ZNF749: variants seen among roughly 807,000 people sequenced by gnomAD.
The protein encoded by ZNF749 is zinc finger protein 749.
A neutral mutation model predicts 7.3 loss-of-function variants in ZNF749; 8 were observed. The observed-to-expected ratio is 1.10, with a 90% CI of 0.64 to 1.98. The LOEUF (loss-of-function observed/expected upper bound fraction) is 1.98. Among genes scored for constraint, ZNF749 ranks in the 30% most tolerant of loss-of-function variants. The pLI is 0.00. For synonymous variants in ZNF749, 310 were observed against 322.4 expected (o/e 0.96, Z 0.41); for missense variants, 898 against 932.4 (o/e 0.96, Z 0.48).
chr19:57,436,185 G>C lies in ZNF749; in HGVS notation c.15+592G>C, dbSNP rs1398838046. ...TTGTTTTGGCCTGAAAAATCTGAAA[G>C]AATGGAATTAGAGATATCAGCTTAA... On this transcript the variant is annotated intron_variant, in intron 1 of 2. Transcript: ENST00000334181. The surrounding 1 kb of genome is among the most constrained non-coding windows in gnomAD (Gnocchi z 4.0). 6.6e-6 allele frequency among the ~76,000 whole-genome samples: 1 copy of C among 152,162 alleles called. No individual in the cohort carries two copies. Among genetic ancestry groups the C allele is most frequent in the Non-Finnish European group, 1.5e-5 (1 of 68,032 alleles).
Position 57,444,636 on chromosome 19 carries a change from T to A in ZNF749, c.1488T>A (p.Ala496=). 1 of 1,613,584 alleles carries A rather than the reference T, an allele frequency of 6.2e-7. No homozygotes were observed. Among genetic ancestry groups the A allele is most frequent in the South Asian group, 1.1e-5 (1 of 91,010 alleles). Residue 496 remains alanine, a synonymous_variant, in exon 3 of 3, where the codon GCT becomes GCA. Coordinates refer to ENST00000334181, the MANE Select transcript of ZNF749 (RefSeq NM_001023561.4). ...GTGGGAAGGCCTTCCTTACACAGGC[T>A]CATCTGGTTGGTCACCAGAAAATCC... is the stretch of plus-strand genomic sequence containing the variant. ...SECGKAFLTQ[A]HLVGHQKIHT... is the part of the protein sequence containing the mutation.
In ZNF749 at chr19:57,445,621, CT is replaced by C; in HGVS notation, c.*137del. On this transcript the variant is annotated 3_prime_UTR_variant, in exon 3 of 3. Coordinates refer to ENST00000334181, the MANE Select transcript of ZNF749 (RefSeq NM_001023561.4). ...GATGGAAATCTGCGAGGATTTCCTGCTGGGAACTACATTAAAAACATTTATG... is the reference window on the plus strand; with the variant it reads ...GATGGAAATCTGCGAGGATTTCCTGCGGGAACTACATTAAAAACATTTATG... The C allele has an allele frequency of 7.1e-7, 1 of 1,404,234 alleles. No homozygotes were observed. Among genetic ancestry groups the C allele is most frequent in the Non-Finnish European group, 9.5e-7 (1 of 1,057,046 alleles). The allele number at this position is 1,404,234 out of a possible 1,614,324, so 87.0% of individuals were successfully genotyped here. A position where few individuals can be genotyped will look rare whatever the true frequency, so the allele number is the denominator to read the frequency against.
At chr19:57,430,503 T>C (rs1227128906), upstream of ZNF749, among the ~76,000 whole-genome samples, 4 of 152,312 alleles carry the variant, frequency 2.6e-5, no homozygotes, top group East Asian at 5.8e-4. Context: ...CTCTGGGTCA[T>C]ATGCATATGA....
the ZNF749 span, among the ~76,000 whole-genome samples, chr19:57,430,029 G>A: frequency 6.6e-6 from 1 of 152,098 alleles, no homozygotes; most frequent in Admixed American, 6.6e-5. Flanking sequence ...GGAAAAAGGT[G>A]CCCTGTAGCT....
intron 1 of ZNF749, among the ~76,000 whole-genome samples, chr19:57,441,152 C>T (rs1213400895): frequency 6.6e-6 from 1 of 150,774 alleles, no homozygotes; most frequent in Non-Finnish European, 1.5e-5. Flanking sequence ...GGTAGGGCGC[C>T]CTGGGCTAGG....
chr19:57,441,615 A>T (rs1403216727), intron 1 of ZNF749, among the ~76,000 whole-genome samples: 1 of 152,082 alleles, frequency 6.6e-6, no homozygotes, highest in African/African-American at 2.4e-5. Flanking sequence ...CTTAAAACTC[A>T]GTGGTTTGCA....
At chr19:57,429,271 C>T in the ZNF749 span, among the ~76,000 whole-genome samples, 3 of 152,164 alleles carry the variant, frequency 2.0e-5, no homozygotes, top group Admixed American at 6.5e-5. This position sits in a 1 kb window ranked among gnomAD's most constrained non-coding sequence, Gnocchi z 4.2. Context: ...GGTGATCTGC[C>T]TGCCTCGGCC....
rs1269479416 is a variant in ZNF749 at position 57,444,107 on chromosome 19, A to G, written c.959A>G (p.His320Arg). The change falls in exon 3 of 3, where the codon CAT becomes CGT. Residue 320 changes from histidine (H) to arginine (R), a missense_variant. Physicochemically the swap from His to Arg is conservative, Grantham distance 29. Coordinates refer to ENST00000334181, the MANE Select transcript of ZNF749 (RefSeq NM_001023561.4). Reference sequence around the variant, plus strand: ...CATCTGGTTGGTCACCAGAAAACCCATACTGGAGAACAGCCCTATGAATGC... The same window carrying G: ...CATCTGGTTGGTCACCAGAAAACCCGTACTGGAGAACAGCCCTATGAATGC... ...QAHLVGHQKT[H>R]TGEQPYECNK... The G allele has an allele frequency of 6.2e-7, 1 of 1,614,086 alleles. No homozygotes were observed. Among genetic ancestry groups the G allele is most frequent in the South Asian group, 1.1e-5 (1 of 91,080 alleles).
intron 1 of ZNF749, 144 bp downstream of exon 1, chr19:57,435,737 A>T (rs2088929072): frequency 7.0e-7 from 1 of 1,435,506 alleles, no homozygotes; most frequent in African/African-American, 1.4e-5. Flanking sequence ...CTGCGGTGCG[A>T]TGAGGCGGGG....
rs1013278678 is a variant in ZNF749, at chr19:57,443,345, T to G, written c.197T>G (p.Val66Gly). The G allele has an allele frequency of 3.1e-6, 5 of 1,614,040 alleles. No individual in the cohort carries two copies. In the East Asian group the frequency reaches 1.1e-4, roughly 36 times the overall value. The change falls in exon 3 of 3, where the codon GTA becomes GGA. Residue 66 changes from valine to glycine, a missense_variant. Coordinates refer to ENST00000334181, the MANE Select transcript of ZNF749 (RefSeq NM_001023561.4). ...GTACCTTCCAAGCAGTGTGTTTCTG[T>G]AAGAGTGTTACAGGTCACAATTCCA... Reference protein sequence around the residue: ...EEVPSKQCVSVRVLQVTIPKP... With the variant: ...EEVPSKQCVSGRVLQVTIPKP...
Position 57,445,416 on chromosome 19 carries a change from C to T in ZNF749, c.2268C>T (p.Ser756=). The part of the protein sequence containing the change: ...TGERSYECGE[S]SKVFKYNSSL... ...AAAGGTCTTATGAGTGTGGTGAATC[C>T]AGCAAAGTGTTTAAATACAACTCCA... is the stretch of plus-strand genomic sequence containing the variant. Residue 756 remains serine, a synonymous_variant, in exon 3 of 3, where the codon TCC becomes TCT. Transcript: ENST00000334181. The T allele has an allele frequency of 6.2e-7, 1 of 1,613,934 alleles. No homozygotes were observed. The highest frequency in any genetic ancestry group is 8.5e-7 in the Non-Finnish European group (1 of 1,179,886).
chr19:57,446,035 T>C lies in ZNF749; in HGVS notation c.*550T>C, dbSNP rs967080257. ...CAGTAGTGTTAAGTCATTCGCATTG[T>C]TGTCAATTAATATCCAGAAGTTTTT... On this transcript the variant is annotated 3_prime_UTR_variant, in exon 3 of 3. Coordinates refer to ENST00000334181, the MANE Select transcript of ZNF749 (RefSeq NM_001023561.4). Among the ~76,000 whole-genome samples the C allele has an allele frequency of 6.6e-6, 1 of 152,210 alleles. No individual in the cohort carries two copies. Among genetic ancestry groups the C allele is most frequent in the Admixed American group, 6.5e-5 (1 of 15,278 alleles).
chr19:57,432,044 G>T (rs975439286), upstream of ZNF749, among the ~76,000 whole-genome samples: 2 of 151,840 alleles, frequency 1.3e-5, no homozygotes, highest in African/African-American at 4.8e-5. Context: ...TGCTGGTCAG[G>T]CTGATCTCGA....
chr19:57,437,363 A>C (rs1478071699), intron 1 of ZNF749, among the ~76,000 whole-genome samples: 2 of 152,166 alleles, frequency 1.3e-5, no homozygotes, highest in Non-Finnish European at 2.9e-5. Flanking sequence ...TTATTGTTAG[A>C]ATGTTAATTT....
rs752749053 is a variant in ZNF749, at chr19:57,444,896, GT to G, written c.1750del (p.Tyr584MetfsTer44). 1 of 1,614,158 alleles carries G rather than the reference GT, an allele frequency of 6.2e-7. No homozygotes were observed. Among genetic ancestry groups the G allele is most frequent in the Non-Finnish European group, 8.5e-7 (1 of 1,180,022 alleles). On this transcript the variant is annotated frameshift_variant, in exon 3 of 3. Transcript: ENST00000334181. LOFTEE classifies it low-confidence loss of function (END_TRUNC). ...CAGAAAATCCAGACTGGAGAACGGC[GT>G]TATGAATGCAATGAATGTGGGAAAT... Reference protein sequence around the residue: ...GHQKIQTGERRYECNECGKFF... With the variant: ...GHQKIQTGERXYECNECGKFF...
rs1215796463 is a variant in ZNF749 at position 57,446,806 on chromosome 19, A to AC, written c.*1322dup. Among the ~76,000 whole-genome samples, 5 of 152,236 alleles carry AC rather than the reference A, an allele frequency of 3.3e-5. No individual in the cohort carries two copies. The highest frequency in any genetic ancestry group is 6.5e-5 in the Admixed American group (1 of 15,290). Reference sequence around the variant, plus strand: ...CAGATATAAACCTTAACAGCATGTTACAGTATTGAATATTGTAGGTAATTG... The same window carrying AC: ...CAGATATAAACCTTAACAGCATGTTACCAGTATTGAATATTGTAGGTAATTG... On this transcript the variant is annotated 3_prime_UTR_variant, in exon 3 of 3. Coordinates refer to ENST00000334181, the MANE Select transcript of ZNF749 (RefSeq NM_001023561.4).
intron 1 of ZNF749, 54 bp downstream of exon 1, chr19:57,435,647 T>C: frequency 6.3e-7 from 1 of 1,584,888 alleles, no homozygotes; most frequent in Non-Finnish European, 8.6e-7. Context: ...AGTGCTGAAG[T>C]CCCAAGGAGC....
upstream of ZNF749, among the ~76,000 whole-genome samples, chr19:57,432,629 G>A (rs1016871642): frequency 2.0e-5 from 3 of 150,416 alleles, no homozygotes; most frequent in Admixed American, 1.3e-4. Flanking sequence ...GAAACCCAGT[G>A]CAAAGACAGT....
Position 57,445,014 on chromosome 19 carries a change from AT to A in ZNF749, c.1867del (p.Tyr623IlefsTer5). On this transcript the variant is annotated frameshift_variant, in exon 3 of 3. Transcript: ENST00000334181. LOFTEE classifies it low-confidence loss of function (END_TRUNC). ...KCSKCGKFFR[Y>X]RCTLSRHQKV... is the part of the protein sequence containing the mutation. ...GCAGCAAATGTGGGAAATTCTTTAG[AT>A]ATCGCTGTACACTGAGTAGACATCA... The A allele has an allele frequency of 6.2e-7, 1 of 1,614,206 alleles. No homozygotes were observed.
Sources: allele counts gnomAD v4.1 joint callset (sites outside exome capture counted in the v4.1 genomes callset), GRCh38; gene constraint gnomAD v4.1.1; non-coding constraint Gnocchi (gnomAD v3.1); transcripts MANE v1.5; gene names NCBI Gene and HGNC (gene_info 2026-07-23, HGNC 2026-07-21).